The following CLVS1 variants were observed in gnomAD, a reference collection of about 807,000 sequenced individuals.
CLVS1 encodes the protein clavesin-1.
In CLVS1, 10 loss-of-function variants were observed where a neutral mutation model predicts 33.1. That is an observed-to-expected ratio of 0.30 (90% CI 0.19 to 0.51). CLVS1 has a LOEUF of 0.51. Ranked by LOEUF, CLVS1 falls within the 20% of genes least tolerant of loss-of-function variation. CLVS1 has a pLI of 0.97. For missense variants in CLVS1, 343 were observed against 433.4 expected (o/e 0.79, Z 1.85); for synonymous variants, 163 against 166.1 (o/e 0.98, Z 0.14).
At chr8:61,309,347 G>A (rs1307620663) in intron 2 of CLVS1, among the ~76,000 whole-genome samples, 2 of 152,192 alleles carry the variant, frequency 1.3e-5, no homozygotes, top group Non-Finnish European at 2.9e-5. Context: ...AATGGTTACA[G>A]TCATCTGTCC....
At chr8:61,009,524 TTAA>T in the CLVS1 span, among the ~76,000 whole-genome samples, 1 of 78,188 alleles carries the variant, frequency 1.3e-5, no homozygotes, top group Non-Finnish European at 2.6e-5. Context: ...TACTTGCTTA[TTAA>T]TGAGGTTGAA....
chr8:61,172,938 T>C (rs146265000), intron 2 of CLVS1, among the ~76,000 whole-genome samples: 1 of 152,306 alleles, frequency 6.6e-6, no homozygotes, highest in East Asian at 1.9e-4. Flanking sequence ...TCACTTCTCA[T>C]ATTCCACTGG....
intron 1 of CLVS1, among the ~76,000 whole-genome samples, chr8:61,107,798 C>T (rs1805564097): frequency 6.6e-6 from 1 of 152,124 alleles, no homozygotes; most frequent in Non-Finnish European, 1.5e-5. Flanking sequence ...TTCCCTCATT[C>T]CTTGCAGTTT....
chr8:61,042,948 A>G, the CLVS1 span, among the ~76,000 whole-genome samples: 1 of 152,224 alleles, frequency 6.6e-6, no homozygotes, highest in Non-Finnish European at 1.5e-5. Context: ...TTAAAGGCAC[A>G]TATGGGTGTT....
chr8:61,345,842 G>A (rs1812202620), intron 2 of CLVS1, among the ~76,000 whole-genome samples: 1 of 152,088 alleles, frequency 6.6e-6, no homozygotes, highest in Admixed American at 6.6e-5. Context: ...TCAGAGAAAT[G>A]AGATCTTGTG....
intron 3 of CLVS1, among the ~76,000 whole-genome samples, chr8:61,418,081 C>T (rs948968546): frequency 6.6e-6 from 1 of 152,200 alleles, no homozygotes; most frequent in African/African-American, 2.4e-5. Flanking sequence ...GAAGGGAGCC[C>T]GGCTCTGCCT....
chr8:61,202,652 G>A, intron 2 of CLVS1: 3 of 1,525,160 alleles, frequency 2.0e-6, no homozygotes, highest in East Asian at 2.2e-5. Flanking sequence ...GTAGTCTTAA[G>A]GTTGAAGTGT....
intron 2 of CLVS1, among the ~76,000 whole-genome samples, chr8:61,160,407 C>T (rs1486658): frequency 0.53 from 80,834 of 151,940 alleles, 22,438 homozygotes; most frequent in Middle Eastern, 0.73. Flanking sequence ...AGCATCCTCC[C>T]GAAACAAAAA....
chr8:61,247,898 A>T (rs1473539893), intron 2 of CLVS1, among the ~76,000 whole-genome samples: 4 of 152,148 alleles, frequency 2.6e-5, no homozygotes, highest in Non-Finnish European at 5.9e-5. Context: ...GTTGCCTTCC[A>T]GGGTTTTTAA....
chr8:61,246,167 CTTTTTTTTTT>C (rs1188366643), intron 2 of CLVS1, among the ~76,000 whole-genome samples: 6,632 of 81,836 alleles, frequency 0.081, 198 homozygotes, highest in East Asian at 0.18. Flanking sequence ...TCCTTCCCAA[CTTTTTTTTTT>C]TTTTTTTTTT....
intron 5 of CLVS1, among the ~76,000 whole-genome samples, chr8:61,484,585 A>G (rs1255057566): frequency 6.6e-6 from 1 of 152,228 alleles, no homozygotes; most frequent in African/African-American, 2.4e-5. Flanking sequence ...CAGAATTGGA[A>G]AAAACTACTT....
chr8:61,076,262 C>T (rs1254866497), intron 1 of CLVS1, among the ~76,000 whole-genome samples: 2 of 151,964 alleles, frequency 1.3e-5, no homozygotes, highest in African/African-American at 4.8e-5. Flanking sequence ...ATGCTTTTCC[C>T]CTATTTACAG....
At chr8:61,197,908 G>T (rs1392461136) in intron 2 of CLVS1, among the ~76,000 whole-genome samples, 7 of 152,210 alleles carry the variant, frequency 4.6e-5, no homozygotes, top group Non-Finnish European at 8.8e-5. Context: ...CCTCCCCAAA[G>T]TGCACAGACT....
chr8:61,345,621 G>GATGT (rs36068150), intron 2 of CLVS1, among the ~76,000 whole-genome samples: 5,162 of 148,742 alleles, frequency 0.035, 124 homozygotes, highest in South Asian at 0.051. Flanking sequence ...AGCCTCTAGG[G>GATGT]GTGTGTGTGT....
chr8:60,998,987 A>T, the CLVS1 span, among the ~76,000 whole-genome samples: 1 of 152,166 alleles, frequency 6.6e-6, no homozygotes, highest in African/African-American at 2.4e-5. Flanking sequence ...TACAGCCCAG[A>T]GTGGTTTGAG....
chr8:61,087,749 T>TC (rs1222441526), intron 1 of CLVS1, among the ~76,000 whole-genome samples: 1 of 152,108 alleles, frequency 6.6e-6, no homozygotes, highest in Non-Finnish European at 1.5e-5. Flanking sequence ...AGGGAAGTGT[T>TC]CCCCAATAAA....
chr8:61,355,661 G>A (rs564179037), intron 2 of CLVS1, among the ~76,000 whole-genome samples: 11 of 152,224 alleles, frequency 7.2e-5, no homozygotes, highest in South Asian at 2.1e-4. Flanking sequence ...GAGAATATGA[G>A]GTGTTTGCTT....
intron 2 of CLVS1, among the ~76,000 whole-genome samples, chr8:61,178,410 T>G (rs1202420297): frequency 6.6e-6 from 1 of 152,048 alleles, no homozygotes; most frequent in Non-Finnish European, 1.5e-5. Flanking sequence ...AGAACCAAGC[T>G]GGAAAACACA....
At chr8:61,023,639 C>T in the CLVS1 span, among the ~76,000 whole-genome samples, 1 of 152,224 alleles carries the variant, frequency 6.6e-6, no homozygotes, top group African/African-American at 2.4e-5. Context: ...CCTGCGCCAT[C>T]CGCAGCGCTC....
Sources: gnomAD v4.1 joint callset for allele counts (sites outside exome capture counted in the v4.1 genomes callset) on GRCh38, gnomAD v4.1.1 for gene constraint, MANE v1.5 for transcripts, NCBI Gene and HGNC (gene_info 2026-07-23, HGNC 2026-07-21) for gene names.